SAMD9L: variants seen among roughly 807,000 people sequenced by gnomAD.
SAMD9L encodes sterile alpha motif domain containing 9 like, also known as sterile alpha motif domain-containing protein 9-like.
A neutral mutation model predicts 90.7 loss-of-function variants in SAMD9L; 68 were observed. The ratio of observed to expected loss-of-function variants is 0.75; its 90% confidence interval spans 0.62 to 0.92. The LOEUF is 0.92. Among genes scored for constraint, SAMD9L ranks in the 40% least tolerant of loss-of-function variants. SAMD9L has a pLI of 0.00. For missense variants in SAMD9L, 1,604 were observed against 1,824.3 expected (o/e 0.88, Z 2.20); for synonymous variants, 640 against 630.1 (o/e 1.02, Z -0.23).
In SAMD9L at chr7:93,132,379, A is replaced by G. The variant is rs1374575845; in HGVS notation, c.3593T>C (p.Leu1198Ser). 6.2e-7 allele frequency: 1 copy of G among 1,613,824 alleles called. No individual in the cohort carries two copies. Among genetic ancestry groups the G allele is most frequent in the Admixed American group, 1.7e-5 (1 of 59,978 alleles). ...RYDMYNTACF[L>S]GEIEVGLYTI... Reference sequence around the variant, plus strand: ...GTAAAGACCAACTTCTATTTCACCCAAGAAACAAGCTGTGTTATACATGTC... The same window carrying G: ...GTAAAGACCAACTTCTATTTCACCCGAGAAACAAGCTGTGTTATACATGTC... The change falls in exon 5 of 5, where the codon TTG (leucine) becomes TCG (serine). Residue 1198 changes from leucine (L) to serine (S), a missense_variant. By Grantham distance (145) the Leu-to-Ser change is moderately radical (BLOSUM62 -2). This residue lies in a region of SAMD9L where 302 missense variants were observed against 314.7 expected (regional missense o/e 0.96). Transcript: ENST00000318238.
rs781674416 is a variant in SAMD9L at position 93,131,893 on chromosome 7, A to G, written c.4079T>C (p.Ile1360Thr). Residue 1360 changes from isoleucine to threonine, a missense_variant, in exon 5 of 5, where the codon ATA becomes ACA. Ile to Thr is a moderately conservative substitution (Grantham distance 89). This residue lies in a region of SAMD9L where 282 missense variants were observed against 329.6 expected (regional missense o/e 0.86). Coordinates refer to ENST00000318238, the MANE Select transcript of SAMD9L (RefSeq NM_152703.5). Reference protein sequence around the residue: ...NYKDATTMESIVNEYAFLLQQ... With the variant: ...NYKDATTMESTVNEYAFLLQQ... ...CAGTAGGAAGGCATATTCATTCACT[A>G]TACTTTCCATGGTGGTAGCATCTTT... 1 of 1,612,512 alleles carries G rather than the reference A, an allele frequency of 6.2e-7. No individual in the cohort carries two copies. Among genetic ancestry groups the G allele is most frequent in the Non-Finnish European group, 8.5e-7 (1 of 1,179,860 alleles).
At chr7:93,136,235 C>G (rs1699449540) in intron 4 of SAMD9L, among the ~76,000 whole-genome samples, 1 of 152,130 alleles carries the variant, frequency 6.6e-6, no homozygotes, top group Non-Finnish European at 1.5e-5. Context: ...TGGTGACACA[C>G]CTTTTAGCCT....
At chr7:93,139,525 A>G (rs1464821086) in intron 4 of SAMD9L, among the ~76,000 whole-genome samples, 2 of 152,160 alleles carry the variant, frequency 1.3e-5, no homozygotes, top group African/African-American at 4.8e-5. Flanking sequence ...GGCAGAGGTT[A>G]GTGTGATGTT....
Position 93,132,672 on chromosome 7 carries a change from G to A in SAMD9L, c.3300C>T (p.Asn1100=), listed in dbSNP as rs767207467. Reference sequence around the variant, plus strand: ...CCTGACGTGCCCAGTCCAGAGCTGTGTTAAAGTCCTTCTCTTTAATGTAGA... The same window carrying A: ...CCTGACGTGCCCAGTCCAGAGCTGTATTAAAGTCCTTCTCTTTAATGTAGA... ...RHFYIKEKDF[N]TALDWARQAK... is the part of the protein sequence containing the mutation. The change falls in exon 5 of 5, where the codon AAC becomes AAT. Residue 1100 remains asparagine (N), a synonymous_variant. Transcript: ENST00000318238. The A allele has an allele frequency of 1.1e-5, 17 of 1,613,722 alleles. No individual in the cohort carries two copies. In the East Asian group the frequency reaches 3.8e-4, roughly 36 times the overall value.
Position 93,131,148 on chromosome 7 carries a change from G to C in SAMD9L, c.*69C>G. On this transcript the variant is annotated 3_prime_UTR_variant, in exon 5 of 5. Transcript: ENST00000318238. ...CCATAATGTTATGAAAGTGCCATGA[G>C]AATAGAGAGAGAGAATAAAATCATA... is the stretch of plus-strand genomic sequence containing the variant. The C allele has an allele frequency of 9.7e-7, 1 of 1,032,926 alleles. No individual in the cohort carries two copies. The highest frequency in any genetic ancestry group is 1.4e-6 in the Non-Finnish European group (1 of 729,490). The allele number at this position is 1,032,926 out of a possible 1,614,324, so 64.0% of individuals were successfully genotyped here.
Position 93,131,279 on chromosome 7 carries a change from C to T in SAMD9L, c.4693G>A (p.Val1565Met), listed in dbSNP as rs749199648. 6.2e-7 allele frequency: 1 copy of T among 1,604,414 alleles called. No homozygotes were observed. The highest frequency in any genetic ancestry group is 2.2e-5 in the East Asian group (1 of 44,852). ...PLRSGRNIER[V>M]SFYLGFSIEG... ...ATGGAAAATCCTAGGTAGAAAGACA[C>T]TCTTTCTATGTTCCTACCACTTCTG... Residue 1565 changes from valine to methionine, a missense_variant, in exon 5 of 5, where the codon GTG (valine) becomes ATG (methionine). Transcript: ENST00000318238.
At chr7:93,138,289 G>A (rs1792537007) in intron 4 of SAMD9L, among the ~76,000 whole-genome samples, 1 of 152,136 alleles carries the variant, frequency 6.6e-6, no homozygotes, top group Admixed American at 6.5e-5. Context: ...AGTGTCATCT[G>A]TTCATTCATT....
In SAMD9L at chr7:93,133,231, A is replaced by G. The variant is rs769399538; in HGVS notation, c.2741T>C (p.Val914Ala). 6.2e-7 allele frequency: 1 copy of G among 1,613,390 alleles called. No individual in the cohort carries two copies. The highest frequency in any genetic ancestry group is 1.3e-5 in the African/African-American group (1 of 75,030). ...VVRNILKGQD[V>A]DSKEAQLISF... ...AATGAGTTGTGCTTCCTTGCTGTCA[A>G]CATCCTGTCCTTTTAGGATATTCCT... Residue 914 changes from valine (V) to alanine (A), a missense_variant, in exon 5 of 5, where the codon GTT becomes GCT. This residue lies in a region of SAMD9L where 606 missense variants were observed against 717.6 expected (regional missense o/e 0.84). Transcript: ENST00000318238.
In SAMD9L at chr7:93,132,084, G is replaced by C. The variant is rs2116475113; in HGVS notation, c.3888C>G (p.Val1296=). ...EIAEIMLSKK[V]SRCFRKYTEL... is the part of the protein sequence containing the mutation. ...CTGTGTATTTCCTGAAACAACGACT[G>C]ACTTTCTTGCTTAACATGATTTCTG... The change falls in exon 5 of 5, where the codon GTC becomes GTG. Residue 1296 remains valine, a synonymous_variant. Transcript: ENST00000318238. 2 of 1,613,704 alleles carry C rather than the reference G, an allele frequency of 1.2e-6. No individual in the cohort carries two copies. Among genetic ancestry groups the C allele is most frequent in the South Asian group, 2.2e-5 (2 of 91,032 alleles).
At position 93,135,333 on chromosome 7, in the gene SAMD9L, A is replaced by G; in HGVS notation, c.639T>C (p.Ile213=). The change falls in exon 5 of 5, where the codon ATT becomes ATC. Residue 213 remains isoleucine (I), a synonymous_variant. Coordinates refer to ENST00000318238, the MANE Select transcript of SAMD9L (RefSeq NM_152703.5). The stretch of plus-strand genomic sequence containing the variant: ...AGACTTCATTGCTGAATTTCATCTT[A>G]ATGTCCACTTCCGTGGCTGTTTCTG... ...TNTETATEVD[I]KMKFSNEVFR... is the part of the protein sequence containing the mutation. The G allele has an allele frequency of 1.2e-6, 2 of 1,614,092 alleles. No individual in the cohort carries two copies. The highest frequency in any genetic ancestry group is 1.7e-6 in the Non-Finnish European group (2 of 1,179,996).
chr7:93,143,794 A>G (rs988869362), intron 4 of SAMD9L, among the ~76,000 whole-genome samples: 1 of 152,210 alleles, frequency 6.6e-6, no homozygotes, highest in Admixed American at 6.5e-5. Flanking sequence ...ATCTTATATG[A>G]TCTATAATCC....
At chr7:93,140,831 C>T (rs1260867458) in intron 4 of SAMD9L, among the ~76,000 whole-genome samples, 4 of 152,228 alleles carry the variant, frequency 2.6e-5, no homozygotes, top group African/African-American at 9.6e-5. Flanking sequence ...AAAGTGTCCC[C>T]ACTCTATTTG....
intron 4 of SAMD9L, among the ~76,000 whole-genome samples, chr7:93,138,815 C>T (rs957399301): frequency 0.031 from 3 of 98 alleles, no homozygotes; most frequent in African/African-American, 0.17. Flanking sequence ...CCCTGATATT[C>T]CCATCTCTCT....
At chr7:93,138,549 T>C (rs950676513) in intron 4 of SAMD9L, among the ~76,000 whole-genome samples, 1 of 152,018 alleles carries the variant, frequency 6.6e-6, no homozygotes, top group Non-Finnish European at 1.5e-5. Flanking sequence ...AGTGGGAACA[T>C]TGGGCAGGTG....
At position 93,132,567 on chromosome 7, in the gene SAMD9L, C is replaced by A. The variant is rs745906048; in HGVS notation, c.3405G>T (p.Leu1135Phe). ...QVYKSEIKWW[L>F]DGNKNCRSIT... ...TGCTCCTACAGTTTTTGTTCCCATC[C>A]AACCACCATTTGATTTCACTTTTGT... Residue 1135 changes from leucine (L) to phenylalanine (F), a missense_variant, in exon 5 of 5, where the codon TTG (leucine) becomes TTT (phenylalanine). Coordinates refer to ENST00000318238, the MANE Select transcript of SAMD9L (RefSeq NM_152703.5). 1 of 1,613,788 alleles carries A rather than the reference C, an allele frequency of 6.2e-7. No individual in the cohort carries two copies. The highest frequency in any genetic ancestry group is 8.5e-7 in the Non-Finnish European group (1 of 1,179,798).
chr7:93,134,982 A>G lies in SAMD9L; in HGVS notation c.990T>C (p.Asp330=), dbSNP rs778786500. ...GATTTTGGTTTTGTTTCCATATTTTATCTTTACAAATTTGCATCTGAATGT... is the reference window on the plus strand; with the variant it reads ...GATTTTGGTTTTGTTTCCATATTTTGTCTTTACAAATTTGCATCTGAATGT... ...YFYIQMQICK[D]KIWKQNQNLS... The change falls in exon 5 of 5, where the codon GAT becomes GAC. Residue 330 remains aspartate (D), a synonymous_variant. Coordinates refer to ENST00000318238, the MANE Select transcript of SAMD9L (RefSeq NM_152703.5). 1.7e-5 allele frequency: 27 copies of G among 1,613,394 alleles called. No homozygotes were observed. Among genetic ancestry groups the G allele is most frequent in the Non-Finnish European group, 2.1e-5 (25 of 1,179,462 alleles).
At position 93,133,922 on chromosome 7, in the gene SAMD9L, C is replaced by A; in HGVS notation, c.2050G>T (p.Glu684Ter). The A allele has an allele frequency of 6.2e-7, 1 of 1,613,776 alleles. No homozygotes were observed. Among genetic ancestry groups the A allele is most frequent in the African/African-American group, 1.3e-5 (1 of 75,004 alleles). Reference protein sequence around the residue: ...SKFLEFKKSKEEHFYRGGKVS... With the variant: ...SKFLEFKKSK ...TTGCCACCTCGATAAAAGTGTTCTT[C>A]TTTTGATTTCTTAAACTCCAGGAAT... Residue 684 changes from glutamate (E) to a stop codon, truncating the protein, a stop_gained, in exon 5 of 5, where the codon GAA becomes TAA. Coordinates refer to ENST00000318238, the MANE Select transcript of SAMD9L (RefSeq NM_152703.5). LOFTEE classifies it high-confidence loss of function.
chr7:93,134,010 A>G lies in SAMD9L; in HGVS notation c.1962T>C (p.Thr654=). ...CATTTTCACAGAGGATTTCCAGTGC[A>G]GTCAAGACATCCTCTTTCTTTTTCT... ...ILEKKKEDVL[T]ALEILCENEC... The change falls in exon 5 of 5, where the codon ACT becomes ACC. Residue 654 remains threonine (T), a synonymous_variant. Coordinates refer to ENST00000318238, the MANE Select transcript of SAMD9L (RefSeq NM_152703.5). 6.2e-7 allele frequency: 1 copy of G among 1,613,814 alleles called. No individual in the cohort carries two copies. Among genetic ancestry groups the G allele is most frequent in the Non-Finnish European group, 8.5e-7 (1 of 1,179,868 alleles).
rs766424103 is a variant in SAMD9L, at chr7:93,133,052, T to C, written c.2920A>G (p.Thr974Ala). ...MGTYSTLLIK[T>A]EVAEYGRYTG... Reference sequence around the variant, plus strand: ...TATCTCCCATATTCTGCAACTTCTGTTTTTATTAGAAGTGTAGAATAAGTT... The same window carrying C: ...TATCTCCCATATTCTGCAACTTCTGCTTTTATTAGAAGTGTAGAATAAGTT... The change falls in exon 5 of 5, where the codon ACA (threonine) becomes GCA (alanine). Residue 974 changes from threonine (T) to alanine (A), a missense_variant. Thr to Ala is a moderately conservative substitution (Grantham distance 58). Transcript: ENST00000318238. The C allele has an allele frequency of 6.2e-7, 1 of 1,613,610 alleles. No individual in the cohort carries two copies. The highest frequency in any genetic ancestry group is 8.5e-7 in the Non-Finnish European group (1 of 1,179,716).
Sources: allele counts gnomAD v4.1 joint callset (sites outside exome capture counted in the v4.1 genomes callset), GRCh38; gene constraint gnomAD v4.1.1; regional missense constraint gnomAD v4.1.1; transcripts MANE v1.5; gene names NCBI Gene and HGNC (gene_info 2026-07-23, HGNC 2026-07-21).